SLC24A2: variants seen among roughly 807,000 people sequenced by gnomAD.
The protein encoded by SLC24A2 is sodium/potassium/calcium exchanger 2.
A neutral mutation model predicts 62.0 loss-of-function variants in SLC24A2; 36 were observed. The ratio of observed to expected loss-of-function variants is 0.58; its 90% CI spans 0.44 to 0.77. SLC24A2 has a LOEUF of 0.77. Ranked by LOEUF, SLC24A2 falls within the 30% of genes least tolerant of loss-of-function variation. The probability of loss-of-function intolerance (pLI) is 0.00; values close to 1 mark genes in which losing one functional copy is unlikely to be tolerated. For synonymous variants in SLC24A2, 358 were observed against 294.0 expected, an observed-to-expected ratio of 1.22 and a Z score of -2.23; for missense variants, 846 against 817.9, an observed-to-expected ratio of 1.03 and a Z score of -0.42.
chr9:20,288,497 G>A, the SLC24A2 span, among the ~76,000 whole-genome samples: 25 of 152,150 alleles, frequency 1.6e-4, no homozygotes, highest in South Asian at 4.2e-4. Flanking sequence ...GGCCAGGTGC[G>A]GTGACTCATG....
At chr9:19,639,585 T>C (rs1818442181) in intron 2 of SLC24A2, among the ~76,000 whole-genome samples, 1 of 152,240 alleles carries the variant, frequency 6.6e-6, no homozygotes, top group Non-Finnish European at 1.5e-5. Flanking sequence ...GCTGTGTATG[T>C]GCATGGGACA....
the SLC24A2 span, among the ~76,000 whole-genome samples, chr9:19,893,485 G>T: frequency 6.6e-6 from 1 of 152,176 alleles, no homozygotes; most frequent in African/African-American, 2.4e-5. Context: ...GACACTCATG[G>T]AGCAGGAATT....
chr9:20,273,060 G>A, the SLC24A2 span, among the ~76,000 whole-genome samples: 43 of 152,332 alleles, frequency 2.8e-4, 1 homozygote, highest in South Asian at 2.1e-4. Flanking sequence ...CTTCCACAGT[G>A]TGAGGCAGAC....
At chr9:20,013,314 A>G in the SLC24A2 span, among the ~76,000 whole-genome samples, 3 of 152,336 alleles carry the variant, frequency 2.0e-5, no homozygotes, top group Admixed American at 1.3e-4. Flanking sequence ...TGGAGAAAGG[A>G]TGGTCTCTTC....
the SLC24A2 span, among the ~76,000 whole-genome samples, chr9:20,170,082 C>G: frequency 2.0e-5 from 3 of 151,426 alleles, no homozygotes; most frequent in South Asian, 6.2e-4. Context: ...GAAGAAAGAA[C>G]TTCAGAGCTC....
At chr9:19,704,031 T>G (rs536811582) in intron 2 of SLC24A2, among the ~76,000 whole-genome samples, 1 of 152,282 alleles carries the variant, frequency 6.6e-6, no homozygotes, top group East Asian at 1.9e-4. Context: ...AGGGCTTAGT[T>G]ATATAAAATC....
chr9:20,029,933 G>C, the SLC24A2 span, among the ~76,000 whole-genome samples: 2 of 152,194 alleles, frequency 1.3e-5, no homozygotes, highest in Non-Finnish European at 2.9e-5. Context: ...GTTGCACAAA[G>C]GGTGCTGTGG....
At chr9:20,201,744 G>A in the SLC24A2 span, among the ~76,000 whole-genome samples, 2 of 152,198 alleles carry the variant, frequency 1.3e-5, no homozygotes, top group African/African-American at 4.8e-5. Context: ...TCTGCTTTGA[G>A]TTTAGAGAGA....
the SLC24A2 span, among the ~76,000 whole-genome samples, chr9:19,871,657 T>C: frequency 1.3e-5 from 2 of 152,200 alleles, no homozygotes; most frequent in Non-Finnish European, 2.9e-5. Context: ...TAGTTGTTAA[T>C]TGAAAAAAGG....
At chr9:20,199,982 C>T in the SLC24A2 span, among the ~76,000 whole-genome samples, 4 of 150,922 alleles carry the variant, frequency 2.7e-5, no homozygotes, top group Non-Finnish European at 2.9e-5. Context: ...CCGCCCATCT[C>T]GGCCTCCCAA....
the SLC24A2 span, among the ~76,000 whole-genome samples, chr9:20,143,742 C>T: frequency 6.6e-6 from 1 of 152,184 alleles, no homozygotes; most frequent in East Asian, 1.9e-4. Context: ...GGCAGGTATA[C>T]ATTTATAAGT....
At chr9:20,008,807 C>T in the SLC24A2 span, among the ~76,000 whole-genome samples, 1 of 152,148 alleles carries the variant, frequency 6.6e-6, no homozygotes, top group Admixed American at 6.5e-5. Context: ...CCACTGGCAG[C>T]ACTCAGGGCC....
intron 2 of SLC24A2, among the ~76,000 whole-genome samples, chr9:19,771,172 C>T (rs778470011): frequency 1.8e-4 from 27 of 152,182 alleles, no homozygotes; most frequent in Non-Finnish European, 2.6e-4. Flanking sequence ...TTACTTGGGG[C>T]TTGTCTCCCA....
At chr9:19,683,209 T>C (rs1885229) in intron 2 of SLC24A2, among the ~76,000 whole-genome samples, 10,460 of 152,208 alleles carry the variant, frequency 0.069, 429 homozygotes, top group Middle Eastern at 0.16. Context: ...GGTAAAACTC[T>C]GAAAGCAAAT....
At chr9:19,948,938 T>C in the SLC24A2 span, among the ~76,000 whole-genome samples, 1 of 151,946 alleles carries the variant, frequency 6.6e-6, no homozygotes, top group Admixed American at 6.6e-5. Context: ...CCTAAACTAC[T>C]AACTCTCTTT....
chr9:20,227,607 G>A, the SLC24A2 span, among the ~76,000 whole-genome samples: 2 of 144,082 alleles, frequency 1.4e-5, no homozygotes, highest in African/African-American at 5.0e-5. Flanking sequence ...TTTCTGTAAT[G>A]TACTATTAAT....
At chr9:19,975,410 C>T in the SLC24A2 span, among the ~76,000 whole-genome samples, 1 of 152,094 alleles carries the variant, frequency 6.6e-6, no homozygotes, top group Non-Finnish European at 1.5e-5. Context: ...ACTTCTTGTC[C>T]ATCTCGTGCA....
chr9:19,559,572 A>G (rs1835289335), intron 7 of SLC24A2, among the ~76,000 whole-genome samples: 1 of 152,112 alleles, frequency 6.6e-6, no homozygotes, highest in South Asian at 2.1e-4. Flanking sequence ...TAGAGTTGGA[A>G]CTCTTGAAGG....
At chr9:20,036,846 A>ATG in the SLC24A2 span, among the ~76,000 whole-genome samples, 12 of 151,772 alleles carry the variant, frequency 7.9e-5, no homozygotes, top group Non-Finnish European at 1.5e-4. Context: ...GTGTATATAT[A>ATG]TGTGTGTGTG....
Sources: allele counts gnomAD v4.1 joint callset (sites outside exome capture counted in the v4.1 genomes callset), GRCh38; gene constraint gnomAD v4.1.1; transcripts MANE v1.5; gene names NCBI Gene and HGNC (gene_info 2026-07-23, HGNC 2026-07-21).